Variants in DGAT2 observed in about 807,000 individuals in gnomAD.
DGAT2 encodes acyl-CoA retinol O-fatty-acyltransferase.
A neutral mutation model predicts 48.4 loss-of-function variants in DGAT2; 33 were observed. That is an observed-to-expected ratio of 0.68 (90% CI 0.52 to 0.91). The LOEUF (loss-of-function observed/expected upper bound fraction) is 0.91, where lower values mean the gene tolerates loss of function less well. DGAT2 is among the 40% of genes least tolerant of loss of function. DGAT2 has a pLI of 0.00. For synonymous variants in DGAT2, 191 were observed against 194.1 expected (o/e 0.98, Z 0.13); for missense variants, 446 against 493.7 (o/e 0.90, Z 0.92).
At chr11:75,783,844 C>T (rs1231238041) in intron 1 of DGAT2, among the ~76,000 whole-genome samples, 1 of 152,212 alleles carries the variant, frequency 6.6e-6, no homozygotes, top group Non-Finnish European at 1.5e-5. Context: ...GTGGGCACAT[C>T]TCGTCCTAAC....
chr11:75,771,311 T>C (rs1445441536), intron 1 of DGAT2, among the ~76,000 whole-genome samples: 1 of 152,138 alleles, frequency 6.6e-6, no homozygotes, highest in East Asian at 1.9e-4. Flanking sequence ...GAGGGATATA[T>C]ATCCTATTCT....
intron 2 of DGAT2, among the ~76,000 whole-genome samples, chr11:75,786,981 G>C (rs968407640): frequency 6.6e-6 from 1 of 152,114 alleles, no homozygotes. Flanking sequence ...GTAGTAACAG[G>C]TGCCTTTTTA....
At chr11:75,775,636 C>T (rs1944796961) in intron 1 of DGAT2, among the ~76,000 whole-genome samples, 1 of 152,192 alleles carries the variant, frequency 6.6e-6, no homozygotes, top group Non-Finnish European at 1.5e-5. Flanking sequence ...GCATCCCAGT[C>T]CTTCATGCCT....
At chr11:75,781,756 C>G (rs1944866414) in intron 1 of DGAT2, among the ~76,000 whole-genome samples, 1 of 152,276 alleles carries the variant, frequency 6.6e-6, no homozygotes, top group South Asian at 2.1e-4. Flanking sequence ...AAAGCCTGAG[C>G]CTGCAGACCC....
At chr11:75,800,311 G>A (rs1945096908) in intron 7 of DGAT2, 43 bp from the exon 8 acceptor site, 3 of 1,596,278 alleles carry the variant, frequency 1.9e-6, no homozygotes, top group Non-Finnish European at 2.6e-6. Context: ...ATGCCCAGGG[G>A]AAGGGTGTTG....
rs1209448732 is a variant in DGAT2, at chr11:75,769,107, G to C, written c.116G>C (p.Arg39Thr). 1.9e-6 allele frequency: 3 copies of C among 1,565,304 alleles called. No individual in the cohort carries two copies. Among genetic ancestry groups the C allele is most frequent in the South Asian group, 1.2e-5 (1 of 85,594 alleles). Reference sequence around the variant, plus strand: ...GCGCTGTCGCGCGAGGGGTCTGGGAGATGGGGTGAGTGCCACGGCGCAGGG... The same window carrying C: ...GCGCTGTCGCGCGAGGGGTCTGGGACATGGGGTGAGTGCCACGGCGCAGGG... The part of the protein sequence containing the change: ...GPALSREGSG[R>T]WGTGSSILSA... Residue 39 changes from arginine (R) to threonine (T), a missense_variant, in exon 1 of 8, where the codon AGA becomes ACA. Physicochemically the swap from Arg to Thr is moderately conservative, Grantham distance 71 (BLOSUM62 -1). Coordinates refer to ENST00000228027, the MANE Select transcript of DGAT2 (RefSeq NM_032564.5).
chr11:75,776,499 G>C (rs1005113332), intron 1 of DGAT2: 1 of 152,292 alleles, frequency 6.6e-6, no homozygotes, highest in Non-Finnish European at 1.5e-5. Flanking sequence ...TAGCAGGCCA[G>C]TGCTCAGTGC....
chr11:75,778,583 G>A (rs1944826295), intron 1 of DGAT2, among the ~76,000 whole-genome samples: 1 of 151,932 alleles, frequency 6.6e-6, no homozygotes. Flanking sequence ...GCCTGTAATC[G>A]CAGCACTTTG....
At chr11:75,781,404 G>A (rs774551076) in intron 1 of DGAT2, among the ~76,000 whole-genome samples, 13 of 152,332 alleles carry the variant, frequency 8.5e-5, no homozygotes, top group Non-Finnish European at 1.6e-4. Context: ...CCACTGGCCC[G>A]GGGTTCAGCA....
chr11:75,773,262 TG>T lies in DGAT2; in HGVS notation c.121+4151del, dbSNP rs200564733. Among the ~76,000 whole-genome samples the T allele has an allele frequency of 4.3e-3, 648 of 152,260 alleles. 9 individuals carry two copies. The highest frequency in any genetic ancestry group is 0.013 in the African/African-American group (537 of 41,558). Reference sequence around the variant, plus strand: ...TGTGCTAGGGACTGGGTGCTGGGGTTGTAGCTGTTCCCTGCCCTGGAGGTAC... The same window carrying T: ...TGTGCTAGGGACTGGGTGCTGGGGTTTAGCTGTTCCCTGCCCTGGAGGTAC... On this transcript the variant is annotated intron_variant, in intron 1 of 7. Transcript: ENST00000228027.
intron 1 of DGAT2, among the ~76,000 whole-genome samples, chr11:75,769,695 C>T (rs1307152581): frequency 6.6e-6 from 1 of 152,126 alleles, no homozygotes; most frequent in Non-Finnish European, 1.5e-5. Flanking sequence ...CCGCACCCCC[C>T]GCAGCTTTTC....
rs1170211862 is a variant in DGAT2 at position 75,796,503 on chromosome 11, C to T, written c.605C>T (p.Pro202Leu). Residue 202 changes from proline (P) to leucine (L), a missense_variant, in exon 5 of 8, where the codon CCT becomes CTT. Coordinates refer to ENST00000228027, the MANE Select transcript of DGAT2 (RefSeq NM_032564.5). ...ACACTGGCAGGCAACTTCCGAATGC[C>T]TGTGTTGAGGGAGTACCTGATGTCT... ...LATLAGNFRM[P>L]VLREYLMSGG... 6.2e-7 allele frequency: 1 copy of T among 1,613,186 alleles called. No homozygotes were observed. Among genetic ancestry groups the T allele is most frequent in the Non-Finnish European group, 8.5e-7 (1 of 1,180,016 alleles).
chr11:75,796,285 C>T, intron 4 of DGAT2, 43 bp from the exon 5 acceptor site: 5 of 1,570,398 alleles, frequency 3.2e-6, no homozygotes, highest in Non-Finnish European at 4.4e-6. Flanking sequence ...CCCCGGTATC[C>T]CTCTCCCAGC....
intron 1 of DGAT2, among the ~76,000 whole-genome samples, chr11:75,778,951 A>G (rs116366881): frequency 1.4e-4 from 22 of 152,238 alleles, no homozygotes; most frequent in Non-Finnish European, 3.1e-4. Context: ...GCCCGAGGTC[A>G]CAGAGCCAGG....
Position 75,800,594 on chromosome 11 carries a change from TGG to T in DGAT2, c.*88_*89del. The T allele has an allele frequency of 1.4e-6, 2 of 1,454,648 alleles. No individual in the cohort carries two copies. Among genetic ancestry groups the T allele is most frequent in the Non-Finnish European group, 1.8e-6 (2 of 1,084,724 alleles). The allele number at this position is 1,454,648 out of a possible 1,614,324, so 90.1% of individuals were successfully genotyped here. ...AATTTGGAAGTGTCATGGGTGTCTG[TGG>T]GTTATTTAAAAGAAATTATAACAAT... On this transcript the variant is annotated 3_prime_UTR_variant, in exon 8 of 8. Transcript: ENST00000228027.
intron 4 of DGAT2, chr11:75,794,846 T>C (rs1945030477): frequency 6.6e-6 from 1 of 152,198 alleles, no homozygotes; most frequent in Admixed American, 6.5e-5. Context: ...GGAAATATTA[T>C]GGATTTTTTA....
At chr11:75,781,630 G>C (rs1223380976) in intron 1 of DGAT2, among the ~76,000 whole-genome samples, 1 of 152,262 alleles carries the variant, frequency 6.6e-6, no homozygotes, top group Non-Finnish European at 1.5e-5. Context: ...TGCCCAGGCA[G>C]ATGGGAAGTG....
rs766607711 is a variant in DGAT2, at chr11:75,796,527, C to T, written c.629C>T (p.Ser210Phe). The change falls in exon 5 of 8, where the codon TCT (serine) becomes TTT (phenylalanine). Residue 210 changes from serine to phenylalanine, a missense_variant. By Grantham distance (155) the Ser-to-Phe change is radical. Coordinates refer to ENST00000228027, the MANE Select transcript of DGAT2 (RefSeq NM_032564.5). ...CCTGTGTTGAGGGAGTACCTGATGT[C>T]TGGAGGTAAGAATCCACCCCCTGTG... The part of the protein sequence containing the change: ...RMPVLREYLM[S>F]GGICPVSRDT... The T allele has an allele frequency of 6.2e-7, 1 of 1,612,024 alleles. No individual in the cohort carries two copies. The highest frequency in any genetic ancestry group is 1.1e-5 in the South Asian group (1 of 90,950).
chr11:75,773,777 T>C (rs1427875401), intron 1 of DGAT2: 1 of 152,190 alleles, frequency 6.6e-6, no homozygotes, highest in Non-Finnish European at 1.5e-5. Flanking sequence ...AAGATGACTG[T>C]GCAGAGTGAT....
Sources: gnomAD v4.1 joint callset for allele counts (sites outside exome capture counted in the v4.1 genomes callset) on GRCh38, gnomAD v4.1.1 for gene constraint, MANE v1.5 for transcripts, NCBI Gene and HGNC (gene_info 2026-07-23, HGNC 2026-07-21) for gene names.